Variants in TMEM132B observed in about 807,000 individuals in gnomAD.
TMEM132B encodes transmembrane protein 132B.
In TMEM132B, 18 loss-of-function variants were observed where a neutral mutation model predicts 90.8. The observed-to-expected ratio is 0.20, with a 90% CI of 0.14 to 0.29. TMEM132B has a LOEUF of 0.29. Ranked by LOEUF, TMEM132B falls within the 10% of genes least tolerant of loss-of-function variation. The probability of loss-of-function intolerance (pLI) is 1.00; values close to 1 mark genes in which losing one functional copy is unlikely to be tolerated. For synonymous variants in TMEM132B, 504 were observed against 523.3 expected (o/e 0.96, Z 0.50); for missense variants, 1,096 against 1,326.8 (o/e 0.83, Z 2.70).
At chr12:125,293,186 G>T (rs1052673974) in intron 1 of TMEM132B, among the ~76,000 whole-genome samples, 3 of 152,240 alleles carry the variant, frequency 2.0e-5, no homozygotes, top group African/African-American at 7.2e-5. Context: ...CAATTTGTCA[G>T]ACTCCCTGTT....
At chr12:125,394,543 G>T (rs59111490) in intron 2 of TMEM132B, among the ~76,000 whole-genome samples, 9,593 of 152,196 alleles carry the variant, frequency 0.063, 921 homozygotes, top group African/African-American at 0.21. Context: ...GTGCTTTGAG[G>T]TTGGCAGTCC....
intron 4 of TMEM132B, among the ~76,000 whole-genome samples, chr12:125,522,656 A>G (rs1362928217): frequency 6.6e-6 from 1 of 152,168 alleles, no homozygotes; most frequent in East Asian, 1.9e-4. Context: ...CTGAAGGTGG[A>G]CCTTGGGGAA....
chr12:125,372,823 C>A (rs911640999), intron 2 of TMEM132B, among the ~76,000 whole-genome samples: 1 of 152,150 alleles, frequency 6.6e-6, no homozygotes. Context: ...TGTCATCTCC[C>A]GCAGCGTTCT....
chr12:125,313,191 G>C (rs914910338), intron 1 of TMEM132B, among the ~76,000 whole-genome samples: 8 of 152,106 alleles, frequency 5.3e-5, no homozygotes, highest in Non-Finnish European at 1.0e-4. Context: ...TCAGGGGCTC[G>C]TGATGATGAG....
At position 125,661,764 on chromosome 12, in the gene TMEM132B, C is replaced by G. The variant is rs1053556131; in HGVS notation, c.*7054C>G. The stretch of plus-strand genomic sequence containing the variant: ...GAGAATTAAGTCATAAGGAAATGAT[C>G]AAACCTAGGGAAAAATAAGTGGCTA... On this transcript the variant is annotated 3_prime_UTR_variant, in exon 9 of 9. Coordinates refer to ENST00000682704, the MANE Select transcript of TMEM132B (RefSeq NM_001366854.1). 3.3e-5 allele frequency: 5 copies of G among 152,162 alleles called. No individual in the cohort carries two copies. The highest frequency in any genetic ancestry group is 6.5e-5 in the Admixed American group (1 of 15,278). 9.4% of individuals were successfully genotyped at this position (152,162 alleles called of 1,614,324 possible). A position where few individuals can be genotyped will look rare whatever the true frequency, so the allele number is the denominator to read the frequency against.
intron 5 of TMEM132B, among the ~76,000 whole-genome samples, chr12:125,642,928 T>G (rs113909844): frequency 0.014 from 2,147 of 151,796 alleles, 58 homozygotes; most frequent in African/African-American, 0.049. Flanking sequence ...CACATTCGTA[T>G]TAGTGCCATT....
At chr12:125,515,545 ACATT>A (rs773368345) in intron 3 of TMEM132B, among the ~76,000 whole-genome samples, 123 of 151,382 alleles carry the variant, frequency 8.1e-4, no homozygotes, top group African/African-American at 2.3e-3. Flanking sequence ...ACGCTCACAC[ACATT>A]CATTCAGTCT....
Position 125,246,116 on chromosome 12 carries a change from TCTCCA to T in TMEM132B, c.67+59251_67+59255del, listed in dbSNP as rs1874201842. Among the ~76,000 whole-genome samples, 1 of 152,206 alleles carries T rather than the reference TCTCCA, an allele frequency of 6.6e-6. No individual in the cohort carries two copies. The highest frequency in any genetic ancestry group is 2.4e-5 in the African/African-American group (1 of 41,468). ...GGCCCTGGCAGTGACTGGCGCTGCCTCTCCAGTGATCCAGTGATCCTGCTGGCTTT... is the reference window on the plus strand; with the variant it reads ...GGCCCTGGCAGTGACTGGCGCTGCCTGTGATCCAGTGATCCTGCTGGCTTT... On this transcript the variant is annotated intron_variant, in intron 1 of 8. Coordinates refer to ENST00000682704, the MANE Select transcript of TMEM132B (RefSeq NM_001366854.1). The surrounding 1 kb of genome is among the most constrained non-coding windows in gnomAD (Gnocchi z 4.2).
At chr12:125,290,724 C>T (rs1210924743) in intron 1 of TMEM132B, among the ~76,000 whole-genome samples, 1 of 152,134 alleles carries the variant, frequency 6.6e-6, no homozygotes, top group African/African-American at 2.4e-5. Context: ...ATTTAGGCTG[C>T]TTGCTGTTTC....
At chr12:125,559,936 A>T (rs1014939521) in intron 4 of TMEM132B, among the ~76,000 whole-genome samples, 2 of 152,204 alleles carry the variant, frequency 1.3e-5, no homozygotes, top group African/African-American at 4.8e-5. Flanking sequence ...ACGTGTGATA[A>T]GGAAGCCACT....
chr12:125,469,093 G>A (rs1241502859), intron 3 of TMEM132B, among the ~76,000 whole-genome samples: 1 of 152,102 alleles, frequency 6.6e-6, no homozygotes, highest in Non-Finnish European at 1.5e-5. Flanking sequence ...TAACTGCTCT[G>A]TCTTGGACTC....
chr12:125,560,831 C>CAAAAAAA lies in TMEM132B; in HGVS notation c.1294-22997_1294-22991dup, dbSNP rs58083131. On this transcript the variant is annotated intron_variant, in intron 4 of 8. Transcript: ENST00000682704. ...TGGGTGACAGAGCGAGACTCTGTCTCAAAAAAAAAAAAAAAAAAAAAAAAA... is the reference window on the plus strand; with the variant it reads ...TGGGTGACAGAGCGAGACTCTGTCTCAAAAAAAAAAAAAAAAAAAAAAAAAAAAAAAA... 2.6e-3 allele frequency among the ~76,000 whole-genome samples: 76 copies of CAAAAAAA among 29,258 alleles called. 23 individuals carry two copies. The highest frequency in any genetic ancestry group is 0.011 in the African/African-American group (62 of 5,404). 19.2% of individuals were successfully genotyped at this position (29,258 alleles called of 152,430 possible). A position where few individuals can be genotyped will look rare whatever the true frequency, so the allele number is the denominator to read the frequency against.
At chr12:125,647,244 G>A (rs911741878) in intron 6 of TMEM132B, among the ~76,000 whole-genome samples, 11 of 152,180 alleles carry the variant, frequency 7.2e-5, no homozygotes, top group South Asian at 4.1e-4. Flanking sequence ...TAGGATTCCC[G>A]TAATTAGAAT....
At chr12:125,275,750 G>T (rs1874969016) in intron 1 of TMEM132B, among the ~76,000 whole-genome samples, 1 of 152,130 alleles carries the variant, frequency 6.6e-6, no homozygotes, top group African/African-American at 2.4e-5. Context: ...GTCTCACTCT[G>T]TTGCCCAGGC....
At chr12:125,404,506 C>T (rs531472155) in intron 2 of TMEM132B, among the ~76,000 whole-genome samples, 93 of 152,236 alleles carry the variant, frequency 6.1e-4, no homozygotes, top group South Asian at 1.2e-3. Context: ...CTCTGGAGAC[C>T]GTATGGTAGT....
At chr12:125,551,885 A>G (rs1265403671) in intron 4 of TMEM132B, among the ~76,000 whole-genome samples, 1 of 152,162 alleles carries the variant, frequency 6.6e-6, no homozygotes, top group Non-Finnish European at 1.5e-5. Flanking sequence ...CCTGGTGGCA[A>G]CACAGGAGGA....
At chr12:125,437,336 G>A (rs572561236) in intron 3 of TMEM132B, among the ~76,000 whole-genome samples, 37 of 152,288 alleles carry the variant, frequency 2.4e-4, no homozygotes, top group African/African-American at 7.5e-4. Flanking sequence ...TAAACAAAAG[G>A]GATGGACTTT....
chr12:125,510,223 G>C (rs546398140), intron 3 of TMEM132B, among the ~76,000 whole-genome samples: 3 of 152,280 alleles, frequency 2.0e-5, no homozygotes, highest in East Asian at 3.9e-4. Flanking sequence ...AATTGTCATG[G>C]GTTTGGCAGC....
chr12:125,493,303 C>T (rs188950667), intron 3 of TMEM132B, among the ~76,000 whole-genome samples: 1 of 152,322 alleles, frequency 6.6e-6, no homozygotes, highest in East Asian at 1.9e-4. Context: ...ATTAATATTT[C>T]AACATGCCCC....
Sources: allele counts gnomAD v4.1 joint callset (sites outside exome capture counted in the v4.1 genomes callset), GRCh38; gene constraint gnomAD v4.1.1; non-coding constraint Gnocchi (gnomAD v3.1); transcripts MANE v1.5; gene names NCBI Gene and HGNC (gene_info 2026-07-23, HGNC 2026-07-21).